Variants in MAGI2 observed in about 807,000 individuals in gnomAD.
The protein encoded by MAGI2 is membrane-associated guanylate kinase, WW and PDZ domain-containing protein 2.
Under a neutral mutation model 133.3 loss-of-function variants are expected in MAGI2, and 35 were observed. That is an observed-to-expected ratio of 0.26 (90% CI 0.20 to 0.35). The LOEUF is 0.35. MAGI2 is among the 10% of genes least tolerant of loss of function. The probability of loss-of-function intolerance (pLI) is 1.00; values close to 1 mark genes in which losing one functional copy is unlikely to be tolerated. For missense variants in MAGI2, 1,636 were observed against 1,863.4 expected (o/e 0.88, Z 2.25); for synonymous variants, 729 against 710.6 (o/e 1.03, Z -0.41).
intron 10 of MAGI2, among the ~76,000 whole-genome samples, chr7:78,242,527 A>C (rs1791267001): frequency 6.6e-6 from 1 of 152,182 alleles, no homozygotes; most frequent in African/African-American, 2.4e-5. Flanking sequence ...TTGCTCTGTC[A>C]TATATGCTTT....
chr7:78,278,221 C>A (rs1221738513), intron 9 of MAGI2, among the ~76,000 whole-genome samples: 3 of 152,098 alleles, frequency 2.0e-5, no homozygotes, highest in Admixed American at 6.6e-5. Flanking sequence ...TTTTCAGTGT[C>A]TCTGCCCTGA....
chr7:78,056,769 G>A (rs775746289), intron 21 of MAGI2, among the ~76,000 whole-genome samples: 51 of 152,058 alleles, frequency 3.4e-4, no homozygotes, highest in Non-Finnish European at 6.6e-4. Flanking sequence ...CATGGCACAT[G>A]TTTACCTGCA....
chr7:78,767,280 C>T (rs1293610341), intron 2 of MAGI2, among the ~76,000 whole-genome samples: 17 of 152,170 alleles, frequency 1.1e-4, no homozygotes, highest in Admixed American at 1.1e-3. Flanking sequence ...TGAGCCACCA[C>T]ACCCAGCCTA....
chr7:79,259,393 A>C (rs1313580015), intron 1 of MAGI2, among the ~76,000 whole-genome samples: 1 of 152,206 alleles, frequency 6.6e-6, no homozygotes, highest in African/African-American at 2.4e-5. Context: ...TGTTATATCA[A>C]GATTGACTTT....
chr7:78,726,441 C>T (rs1301615471), intron 2 of MAGI2, among the ~76,000 whole-genome samples: 2 of 152,120 alleles, frequency 1.3e-5, no homozygotes, highest in Non-Finnish European at 2.9e-5. Flanking sequence ...ATAAATCTTT[C>T]CTATAGCATC....
chr7:79,272,755 A>C (rs1265758332), intron 1 of MAGI2, among the ~76,000 whole-genome samples: 1 of 152,044 alleles, frequency 6.6e-6, no homozygotes, highest in Non-Finnish European at 1.5e-5. Flanking sequence ...GTACTCTATG[A>C]CTTAAACAAA....
intron 1 of MAGI2, among the ~76,000 whole-genome samples, chr7:79,057,934 T>C (rs1813308367): frequency 6.6e-6 from 1 of 150,580 alleles, no homozygotes; most frequent in South Asian, 2.1e-4. Context: ...ATACAAATTG[T>C]TCCTGCCCAG....
chr7:78,503,981 A>G (rs943510054), intron 4 of MAGI2, among the ~76,000 whole-genome samples: 2 of 151,974 alleles, frequency 1.3e-5, no homozygotes, highest in Non-Finnish European at 2.9e-5. Flanking sequence ...AGGATGAACT[A>G]ATATGGAAGA....
chr7:78,214,774 CT>C (rs1788102062), intron 10 of MAGI2, among the ~76,000 whole-genome samples: 1 of 152,188 alleles, frequency 6.6e-6, no homozygotes, highest in Non-Finnish European at 1.5e-5. Flanking sequence ...AGGATTACCC[CT>C]GCAATGTATT....
intron 6 of MAGI2, among the ~76,000 whole-genome samples, chr7:78,389,864 TA>T (rs1441482141): frequency 6.6e-6 from 1 of 152,232 alleles, no homozygotes; most frequent in African/African-American, 2.4e-5. Flanking sequence ...TAGTAAAAAC[TA>T]TGAGCAAAAC....
At chr7:79,265,682 G>GTTAGATTTT (rs1280834762) in intron 1 of MAGI2, among the ~76,000 whole-genome samples, 2 of 152,112 alleles carry the variant, frequency 1.3e-5, no homozygotes, top group African/African-American at 4.8e-5. Flanking sequence ...TAAGTTTTGA[G>GTTAGATTTT]TTAGATTTTT....
At chr7:78,450,089 G>A (rs1448732353) in intron 6 of MAGI2, among the ~76,000 whole-genome samples, 3 of 151,944 alleles carry the variant, frequency 2.0e-5, no homozygotes, top group South Asian at 2.1e-4. Flanking sequence ...ATGTGAGAAT[G>A]TTCCTTTAAC....
chr7:78,506,693 T>C (rs1278343703), intron 4 of MAGI2, among the ~76,000 whole-genome samples: 10 of 152,224 alleles, frequency 6.6e-5, no homozygotes, highest in Non-Finnish European at 4.4e-5. Flanking sequence ...ATAAAATCTG[T>C]AGAACCGAAT....
chr7:79,176,830 G>GT (rs1204926452), intron 1 of MAGI2: 10 of 151,856 alleles, frequency 6.6e-5, no homozygotes, highest in African/African-American at 2.2e-4. Flanking sequence ...TTAGTAAAAT[G>GT]ACACACTCAA....
chr7:78,685,425 T>C (rs1816170018), intron 2 of MAGI2, among the ~76,000 whole-genome samples: 1 of 151,494 alleles, frequency 6.6e-6, no homozygotes, highest in Non-Finnish European at 1.5e-5. Flanking sequence ...AAGAATTTTA[T>C]CATTTTTGTT....
chr7:78,797,871 A>T (rs950823528), intron 2 of MAGI2, among the ~76,000 whole-genome samples: 3 of 151,720 alleles, frequency 2.0e-5, no homozygotes, highest in Admixed American at 2.0e-4. Context: ...GCCCAAGAGC[A>T]GTTCAAATAA....
In MAGI2 at chr7:79,167,467, T is replaced by C. The variant is rs1035779329; in HGVS notation, c.302-160261A>G. ...AAAAGTAAAATACTTCCTTTAAATATACATTTCCTTTCATTTTTAGACTGA... is the reference window on the plus strand; with the variant it reads ...AAAAGTAAAATACTTCCTTTAAATACACATTTCCTTTCATTTTTAGACTGA... On this transcript the variant is annotated intron_variant, in intron 1 of 21. Coordinates refer to ENST00000354212, the MANE Select transcript of MAGI2 (RefSeq NM_012301.4). 1.4e-4 allele frequency among the ~76,000 whole-genome samples: 21 copies of C among 149,624 alleles called. No individual in the cohort carries two copies. The Middle Eastern group carries it at 0.014, about 97-fold the overall frequency.
intron 20 of MAGI2, among the ~76,000 whole-genome samples, chr7:78,087,427 A>G (rs1350065144): frequency 6.6e-6 from 1 of 152,230 alleles, no homozygotes; most frequent in Non-Finnish European, 1.5e-5. Flanking sequence ...AAATATACAA[A>G]TGTAATCTAT....
chr7:78,143,991 T>C (rs1412824305), intron 16 of MAGI2, among the ~76,000 whole-genome samples: 2 of 151,914 alleles, frequency 1.3e-5, no homozygotes, highest in East Asian at 1.9e-4. Context: ...TCTATGTTTT[T>C]AGTCCTCCCA....
Sources: gnomAD v4.1 joint callset for allele counts (sites outside exome capture counted in the v4.1 genomes callset) on GRCh38, gnomAD v4.1.1 for gene constraint, MANE v1.5 for transcripts, NCBI Gene and HGNC (gene_info 2026-07-23, HGNC 2026-07-21) for gene names.